The following TEX15 variants were observed in gnomAD, a reference collection of about 807,000 sequenced individuals.
TEX15 encodes testis-expressed protein 15.
Under a neutral mutation model 237.3 loss-of-function variants are expected in TEX15, and 171 were observed. That is an observed-to-expected ratio of 0.72 (90% CI 0.64 to 0.82). The LOEUF (loss-of-function observed/expected upper bound fraction) is 0.82. Among genes scored for constraint, TEX15 ranks in the 40% least tolerant of loss-of-function variants. The pLI, the probability that TEX15 is intolerant of heterozygous loss-of-function variation, is 0.00. For synonymous variants in TEX15, 1,338 were observed against 1,269.8 expected (o/e 1.05, Z -1.14); for missense variants, 3,750 against 3,646.5 (o/e 1.03, Z -0.73).
chr8:30,859,945 T>G lies in TEX15; in HGVS notation c.653A>C (p.Lys218Thr). 1 of 1,508,152 alleles carries G rather than the reference T, an allele frequency of 6.6e-7. No individual in the cohort carries two copies. The highest frequency in any genetic ancestry group is 1.3e-5 in the South Asian group (1 of 76,992). 93.4% of individuals were successfully genotyped at this position (1,508,152 alleles called of 1,614,324 possible). ...GTAGGCTTGCAGTTCAATGGTATCTTTCAAAGAAGGTGCATTTCTTGACAT... is the reference window on the plus strand; with the variant it reads ...GTAGGCTTGCAGTTCAATGGTATCTGTCAAAGAAGGTGCATTTCTTGACAT... ...CHMSRNAPSLKDTIELQAYSS... is the reference protein window; with the variant it reads ...CHMSRNAPSLTDTIELQAYSS... Residue 218 changes from lysine to threonine, a missense_variant, in exon 6 of 11, where the codon AAA (lysine) becomes ACA (threonine). Transcript: ENST00000643185.
At chr8:30,863,016 G>A (rs1037542743) in intron 5 of TEX15, among the ~76,000 whole-genome samples, 1 of 152,102 alleles carries the variant, frequency 6.6e-6, no homozygotes, top group South Asian at 2.1e-4. Context: ...AATCTGTCTG[G>A]TGTAACTATT....
intron 3 of TEX15, among the ~76,000 whole-genome samples, chr8:30,882,231 T>C (rs577711651): frequency 5.9e-4 from 90 of 152,342 alleles, no homozygotes; most frequent in South Asian, 3.5e-3. Context: ...CAAGTGTCTT[T>C]GGAGATTTAC....
chr8:30,861,842 G>T (rs1808056841), intron 5 of TEX15, among the ~76,000 whole-genome samples: 1 of 151,888 alleles, frequency 6.6e-6, no homozygotes, highest in Non-Finnish European at 1.5e-5. Context: ...GCAGAAAAAG[G>T]GAAAAAATCC....
intron 2 of TEX15, among the ~76,000 whole-genome samples, chr8:30,898,440 G>T (rs1808948025): frequency 2.0e-5 from 3 of 152,152 alleles, no homozygotes; most frequent in African/African-American, 2.4e-5. Context: ...CACTGAATCT[G>T]CCAGCACCTT....
chr8:30,849,119 T>C lies in TEX15; in HGVS notation c.1048A>G (p.Asn350Asp), dbSNP rs746056188. The C allele has an allele frequency of 6.2e-7, 1 of 1,602,092 alleles. No individual in the cohort carries two copies. The highest frequency in any genetic ancestry group is 1.1e-5 in the South Asian group (1 of 90,126). Reference protein sequence around the residue: ...SNSYGNVQNGNISIPETYSGQ... With the variant: ...SNSYGNVQNGDISIPETYSGQ... ...CTGTATGTTTCAGGTATAGAAATGT[T>C]TCCATTTTGTACATTTCCATAGGAG... The change falls in exon 8 of 11, where the codon AAC becomes GAC. Residue 350 changes from asparagine (N) to aspartate (D), a missense_variant. Transcript: ENST00000643185.
At chr8:30,889,548 C>A (rs1808738390) in intron 2 of TEX15, among the ~76,000 whole-genome samples, 1 of 152,120 alleles carries the variant, frequency 6.6e-6, no homozygotes, top group African/African-American at 2.4e-5. Flanking sequence ...TTATGAAGTT[C>A]ACTTCTGTTC....
chr8:30,855,434 A>C (rs1585291071), intron 7 of TEX15, among the ~76,000 whole-genome samples: 1 of 152,318 alleles, frequency 6.6e-6, no homozygotes, highest in East Asian at 1.9e-4. Context: ...CTATAATAAA[A>C]AAGTCAAATA....
chr8:30,857,462 A>G (rs1312081562), intron 7 of TEX15, among the ~76,000 whole-genome samples: 3 of 152,234 alleles, frequency 2.0e-5, no homozygotes, highest in Non-Finnish European at 4.4e-5. Context: ...ACATTTGACA[A>G]AAATGAGAAT....
At chr8:30,841,364 T>C (rs1807448795) in intron 8 of TEX15, among the ~76,000 whole-genome samples, 1 of 152,126 alleles carries the variant, frequency 6.6e-6, no homozygotes, top group South Asian at 2.1e-4. Context: ...TCCCATTTAC[T>C]AAATTCTGTG....
chr8:30,849,579 A>C (rs1362329850), intron 7 of TEX15, among the ~76,000 whole-genome samples: 1 of 152,202 alleles, frequency 6.6e-6, no homozygotes, highest in East Asian at 1.9e-4. Context: ...TCTGACAAAT[A>C]ATAGAAAAAA....
intron 3 of TEX15, 62 bp from the exon 4 acceptor site, chr8:30,875,164 T>C: frequency 4.7e-6 from 5 of 1,075,076 alleles, no homozygotes; most frequent in Non-Finnish European, 5.9e-6. Context: ...ATCTGTACAA[T>C]GACAACTGTA....
chr8:30,881,859 G>A (rs1027946926), intron 3 of TEX15, among the ~76,000 whole-genome samples: 1 of 151,938 alleles, frequency 6.6e-6, no homozygotes, highest in Non-Finnish European at 1.5e-5. Flanking sequence ...CTGAACTCAG[G>A]CAATCCACCT....
chr8:30,842,599 T>C lies in TEX15; in HGVS notation c.7568A>G (p.Asp2523Gly). The C allele has an allele frequency of 6.2e-7, 1 of 1,611,162 alleles. No individual in the cohort carries two copies. Among genetic ancestry groups the C allele is most frequent in the Admixed American group, 1.7e-5 (1 of 59,944 alleles). The part of the protein sequence containing the change: ...TAVSELKKDL[D>G]IICKYNEAVN... Reference sequence around the variant, plus strand: ...AGCTTCATTATATTTGCAGATAATATCCAGATCTTTCTTAAGTTCGGAAAC... The same window carrying C: ...AGCTTCATTATATTTGCAGATAATACCCAGATCTTTCTTAAGTTCGGAAAC... Residue 2523 changes from aspartate to glycine, a missense_variant, in exon 8 of 11, where the codon GAT becomes GGT. Physicochemically the swap from Asp to Gly is moderately conservative, Grantham distance 94 (BLOSUM62 -1). Coordinates refer to ENST00000643185, the MANE Select transcript of TEX15 (RefSeq NM_001350162.2).
chr8:30,909,575 T>C (rs979288725), intron 1 of TEX15, among the ~76,000 whole-genome samples: 1 of 152,182 alleles, frequency 6.6e-6, no homozygotes, highest in Admixed American at 6.5e-5. Flanking sequence ...CAAATTTACA[T>C]ACAAGTTTTA....
At position 30,875,707 on chromosome 8, in the gene TEX15, T is replaced by C. The variant is rs569675124; in HGVS notation, c.137-605A>G. Among the ~76,000 whole-genome samples the C allele has an allele frequency of 7.2e-5, 11 of 152,272 alleles. No homozygotes were observed. The East Asian group carries it at 2.1e-3, about 29-fold the overall frequency. ...TGACTATTGTTATTGGTGGTAGTTA[T>C]ATTCCACAAAGTTCCCACCAACATC... On this transcript the variant is annotated intron_variant, in intron 3 of 10. Coordinates refer to ENST00000643185, the MANE Select transcript of TEX15 (RefSeq NM_001350162.2).
chr8:30,872,331 AGTG>A (rs1169462299), intron 4 of TEX15, among the ~76,000 whole-genome samples: 1 of 152,276 alleles, frequency 6.6e-6, no homozygotes, highest in African/African-American at 2.4e-5. Flanking sequence ...TAGGTCTCAC[AGTG>A]TCATAGCATA....
intron 2 of TEX15, among the ~76,000 whole-genome samples, chr8:30,892,523 A>G (rs1301351317): frequency 6.6e-6 from 1 of 152,242 alleles, no homozygotes; most frequent in African/African-American, 2.4e-5. Context: ...AACTTCACTG[A>G]ACCCAGTGAT....
intron 2 of TEX15, among the ~76,000 whole-genome samples, chr8:30,888,235 A>AG (rs1328286617): frequency 1.3e-5 from 2 of 151,972 alleles, no homozygotes; most frequent in African/African-American, 2.4e-5. Context: ...ATTTTTAAAA[A>AG]GCATTTTTTT....
chr8:30,847,827 A>C lies in TEX15; in HGVS notation c.2340T>G (p.Asp780Glu), dbSNP rs760580521. ...CTATGTTATAAGATGAAATAACTGT[A>C]TCAATGAACATTTCTTTGGCCTGGG... ...DIPQAKEMFI[D>E]TVISSYNIET... The change falls in exon 8 of 11, where the codon GAT becomes GAG. Residue 780 changes from aspartate to glutamate, a missense_variant. By Grantham distance (45) the Asp-to-Glu change is conservative. Coordinates refer to ENST00000643185, the MANE Select transcript of TEX15 (RefSeq NM_001350162.2). The C allele has an allele frequency of 6.2e-7, 1 of 1,613,946 alleles. No homozygotes were observed. Among genetic ancestry groups the C allele is most frequent in the South Asian group, 1.1e-5 (1 of 91,074 alleles).
Sources: allele counts gnomAD v4.1 joint callset (sites outside exome capture counted in the v4.1 genomes callset), GRCh38; gene constraint gnomAD v4.1.1; transcripts MANE v1.5; gene names NCBI Gene and HGNC (gene_info 2026-07-23, HGNC 2026-07-21).